PSD3: variants seen among roughly 807,000 people sequenced by gnomAD.
PSD3 encodes the protein pleckstrin and Sec7 domain containing 3.
PSD3 carries 49 observed loss-of-function variants against 105.5 expected under a neutral mutation model. The observed-to-expected ratio is 0.46, with a 90% CI of 0.37 to 0.59. The LOEUF is 0.59. Ranked by LOEUF, PSD3 falls within the 20% of genes least tolerant of loss-of-function variation. PSD3 has a pLI of 0.00. For synonymous variants in PSD3, 557 were observed against 457.8 expected, an observed-to-expected ratio of 1.22 and a Z score of -2.77; for missense variants, 1,561 against 1,263.8, an observed-to-expected ratio of 1.24 and a Z score of -3.57.
chr8:18,718,875 T>C (rs1007761475), intron 9 of PSD3, among the ~76,000 whole-genome samples: 4 of 151,804 alleles, frequency 2.6e-5, no homozygotes, highest in African/African-American at 9.7e-5. Flanking sequence ...AAGGAGGCAA[T>C]GGGGAGAGCA....
chr8:18,540,729 C>T (rs1348161745), intron 15 of PSD3, among the ~76,000 whole-genome samples: 1 of 152,130 alleles, frequency 6.6e-6, no homozygotes, highest in African/African-American at 2.4e-5. Context: ...AAGACACTGC[C>T]CTGTTAAAAC....
chr8:18,964,162 T>C (rs566769654), intron 1 of PSD3, among the ~76,000 whole-genome samples: 2 of 152,346 alleles, frequency 1.3e-5, no homozygotes, highest in South Asian at 4.1e-4. Flanking sequence ...TGTTGCTCTG[T>C]AACCAAGTCT....
intron 2 of PSD3, among the ~76,000 whole-genome samples, chr8:18,897,230 T>C (rs1445652598): frequency 6.6e-6 from 1 of 152,232 alleles, no homozygotes; most frequent in Non-Finnish European, 1.5e-5. Context: ...TCTATATGTC[T>C]TCTTTTGAGA....
chr8:18,976,284 C>T (rs889412250), intron 1 of PSD3, among the ~76,000 whole-genome samples: 4 of 152,078 alleles, frequency 2.6e-5, no homozygotes, highest in East Asian at 1.9e-4. Flanking sequence ...AATACAAATG[C>T]CCAATAAAGA....
At chr8:18,765,578 G>T in intron 8 of PSD3, 40 bp from the exon 9 acceptor site, 2 of 1,424,782 alleles carry the variant, frequency 1.4e-6, no homozygotes, top group Non-Finnish European at 9.9e-7. Context: ...TGACATTCAT[G>T]GAATTAAGAC....
intron 9 of PSD3, among the ~76,000 whole-genome samples, chr8:18,740,774 C>T (rs1361506056): frequency 6.6e-6 from 1 of 152,124 alleles, no homozygotes; most frequent in Non-Finnish European, 1.5e-5. Context: ...CAAATGATTC[C>T]CTCTGTCCCA....
chr8:18,865,970 A>C (rs2129456389), intron 4 of PSD3, among the ~76,000 whole-genome samples: 1 of 152,238 alleles, frequency 6.6e-6, no homozygotes, highest in East Asian at 1.9e-4. Flanking sequence ...CATTTAATAA[A>C]CCTTTCACCC....
At chr8:18,544,456 C>T (rs1800340997) in intron 15 of PSD3, among the ~76,000 whole-genome samples, 2 of 151,462 alleles carry the variant, frequency 1.3e-5, no homozygotes, top group Admixed American at 1.3e-4. Flanking sequence ...CTATGCTACT[C>T]CCATGTCAGG....
intron 12 of PSD3, among the ~76,000 whole-genome samples, chr8:18,579,615 T>C (rs1230306261): frequency 1.3e-5 from 2 of 152,206 alleles, no homozygotes; most frequent in African/African-American, 2.4e-5. Flanking sequence ...TAAAAAGCTT[T>C]TTTTCCCTGA....
chr8:18,817,429 G>C (rs1278592487), intron 4 of PSD3, among the ~76,000 whole-genome samples: 1 of 152,126 alleles, frequency 6.6e-6, no homozygotes, highest in Non-Finnish European at 1.5e-5. Context: ...CCAGCACTGT[G>C]CCCCGAGGGC....
chr8:18,717,356 G>A (rs1802665651), intron 9 of PSD3, among the ~76,000 whole-genome samples: 1 of 152,116 alleles, frequency 6.6e-6, no homozygotes, highest in Non-Finnish European at 1.5e-5. Context: ...GGAGTGAGGA[G>A]TTCTTGCTAT....
At chr8:18,674,452 T>C (rs1799960849) in intron 9 of PSD3, among the ~76,000 whole-genome samples, 1 of 152,212 alleles carries the variant, frequency 6.6e-6, no homozygotes, top group South Asian at 2.1e-4. Context: ...CTCTCATTCT[T>C]TGGGTCCTTG....
chr8:18,915,698 G>C (rs544987814), intron 2 of PSD3, among the ~76,000 whole-genome samples: 6 of 152,298 alleles, frequency 3.9e-5, no homozygotes, highest in African/African-American at 1.2e-4. Context: ...GAATCTGTTA[G>C]AATGGCTAAT....
chr8:19,030,690 T>C (rs565795276), intron 1 of PSD3, among the ~76,000 whole-genome samples: 1 of 152,054 alleles, frequency 6.6e-6, no homozygotes, highest in African/African-American at 2.4e-5. Context: ...GTGAACCAAT[T>C]AAACCTCTTT....
intron 12 of PSD3, among the ~76,000 whole-genome samples, chr8:18,598,522 C>T (rs2465883): frequency 0.75 from 114,000 of 151,076 alleles, 43,768 homozygotes; most frequent in South Asian, 0.89. Flanking sequence ...AGTGATAAAA[C>T]GCATTAACAG....
chr8:18,830,997 G>A (rs559698789), intron 4 of PSD3, among the ~76,000 whole-genome samples: 2 of 151,850 alleles, frequency 1.3e-5, no homozygotes, highest in South Asian at 4.2e-4. Context: ...TATCCAGAAA[G>A]CGAGGCAGAG....
chr8:18,999,884 T>C (rs938653249), intron 1 of PSD3: 1 of 151,622 alleles, frequency 6.6e-6, no homozygotes, highest in Non-Finnish European at 1.5e-5. Context: ...ATACATTTGT[T>C]TTAGTAACGC....
chr8:18,621,461 C>T (rs375167488), intron 11 of PSD3, among the ~76,000 whole-genome samples: 3 of 152,230 alleles, frequency 2.0e-5, no homozygotes, highest in African/African-American at 4.8e-5. Context: ...CTCTTTCAAC[C>T]GACTTTATTG....
At chr8:18,555,160 A>C (rs936550125) in intron 15 of PSD3, among the ~76,000 whole-genome samples, 2 of 152,144 alleles carry the variant, frequency 1.3e-5, no homozygotes, top group Non-Finnish European at 2.9e-5. Flanking sequence ...CAAAGGATTT[A>C]GGATGAACGG....
Sources: allele counts gnomAD v4.1 joint callset (sites outside exome capture counted in the v4.1 genomes callset), GRCh38; gene constraint gnomAD v4.1.1; transcripts MANE v1.5; gene names NCBI Gene and HGNC (gene_info 2026-07-23, HGNC 2026-07-21).